CAMSAP2: variants seen among roughly 807,000 people sequenced by gnomAD.
The protein encoded by CAMSAP2 is calmodulin regulated spectrin associated protein family member 2.
A neutral mutation model predicts 146.1 loss-of-function variants in CAMSAP2; 26 were observed. The observed-to-expected ratio is 0.18, with a 90% confidence interval of 0.13 to 0.25. CAMSAP2 has a LOEUF of 0.25. CAMSAP2 is among the 10% of genes least tolerant of loss of function. The probability of loss-of-function intolerance (pLI) is 1.00; values close to 1 mark genes in which losing one functional copy is unlikely to be tolerated. For missense variants in CAMSAP2, 1,381 were observed against 1,759.3 expected (o/e 0.78, Z 3.85); for synonymous variants, 499 against 596.6 (o/e 0.84, Z 2.38).
At chr1:200,745,904 C>G (rs1434845545) in intron 1 of CAMSAP2, among the ~76,000 whole-genome samples, 3 of 152,116 alleles carry the variant, frequency 2.0e-5, no homozygotes, top group Non-Finnish European at 4.4e-5. Context: ...AAAATAGATG[C>G]TAGAGGTCTT....
rs985437791 is a variant in CAMSAP2 at position 200,816,724 on chromosome 1, A to G, written c.645+1080A>G. ...TATATGTGTATATATACACACGCAC[A>G]TATATGTGTGTACACACACACGCGT... On this transcript the variant is annotated intron_variant, in intron 4 of 16. Transcript: ENST00000358823. 5.5e-5 allele frequency among the ~76,000 whole-genome samples: 5 copies of G among 90,132 alleles called. 1 individual carries two copies. Among genetic ancestry groups the G allele is most frequent in the East Asian group, 3.5e-4 (1 of 2,832 alleles). 59.1% of individuals were successfully genotyped at this position (90,132 alleles called of 152,430 possible). A position where few individuals can be genotyped will look rare whatever the true frequency, so the allele number is the denominator to read the frequency against.
chr1:200,850,879 A>G (rs771901775), intron 11 of CAMSAP2, among the ~76,000 whole-genome samples: 14 of 152,350 alleles, frequency 9.2e-5, no homozygotes, highest in Admixed American at 2.0e-4. Context: ...TTTCTAGTCA[A>G]AAATCTTGCC....
At chr1:200,766,863 C>T (rs913464683) in intron 2 of CAMSAP2, among the ~76,000 whole-genome samples, 4 of 152,106 alleles carry the variant, frequency 2.6e-5, no homozygotes, top group African/African-American at 9.7e-5. Flanking sequence ...GGTTTCTTTC[C>T]AAAGTAATTT....
At chr1:200,831,930 C>T (rs1396981305) in intron 4 of CAMSAP2, among the ~76,000 whole-genome samples, 1 of 151,968 alleles carries the variant, frequency 6.6e-6, no homozygotes, top group Non-Finnish European at 1.5e-5. Flanking sequence ...TTTTGTGATG[C>T]TTTTATACTT....
chr1:200,776,638 C>A (rs192792936), intron 2 of CAMSAP2, among the ~76,000 whole-genome samples: 76 of 152,076 alleles, frequency 5.0e-4, no homozygotes, highest in African/African-American at 1.8e-3. Context: ...GCAGGAGAAC[C>A]ACTTGAACCT....
At chr1:200,752,619 CTTT>C (rs770066342) in intron 1 of CAMSAP2, among the ~76,000 whole-genome samples, 6 of 142,630 alleles carry the variant, frequency 4.2e-5, no homozygotes, top group Admixed American at 7.0e-5. Context: ...GTCATGTCTC[CTTT>C]TTTTTTTTTT....
In CAMSAP2 at chr1:200,752,514, T is replaced by C. The variant is rs188796869; in HGVS notation, c.140-8325T>C. ...ATTTAACCTTGACGTGATACTCTTA[T>C]CTGATTCACAGCCCGTATTCAGATT... On this transcript the variant is annotated intron_variant, in intron 1 of 16. Transcript: ENST00000358823. 2.0e-3 allele frequency among the ~76,000 whole-genome samples: 308 copies of C among 152,302 alleles called. 1 individual carries two copies. Among genetic ancestry groups the C allele is most frequent in the African/African-American group, 7.1e-3 (297 of 41,552 alleles).
At chr1:200,837,652 A>G (rs1039913536) in intron 6 of CAMSAP2, among the ~76,000 whole-genome samples, 4 of 152,140 alleles carry the variant, frequency 2.6e-5, no homozygotes, top group Non-Finnish European at 5.9e-5. Flanking sequence ...GAATCTATAC[A>G]TTGATTTGGG....
chr1:200,811,565 G>T (rs1217793944), intron 3 of CAMSAP2, among the ~76,000 whole-genome samples: 1 of 152,172 alleles, frequency 6.6e-6, no homozygotes, highest in East Asian at 1.9e-4. Flanking sequence ...ATTCTTTCTT[G>T]CTTCTACTTG....
intron 4 of CAMSAP2, chr1:200,828,583 A>C (rs1247474612): frequency 6.5e-7 from 1 of 1,550,060 alleles, no homozygotes; most frequent in Admixed American, 2.0e-5. Flanking sequence ...TCTCCTTCCA[A>C]ATGGTTTTGG....
chr1:200,761,204 T>G (rs1664791193), intron 2 of CAMSAP2, 106 bp downstream of exon 2: 1 of 1,128,150 alleles, frequency 8.9e-7, no homozygotes, highest in Non-Finnish European at 1.3e-6. Flanking sequence ...TGGATTGTAT[T>G]TTTGCCTAGA....
chr1:200,822,117 CCTCT>C (rs147240246), intron 4 of CAMSAP2, among the ~76,000 whole-genome samples: 187 of 134,586 alleles, frequency 1.4e-3, no homozygotes, highest in African/African-American at 3.4e-3. Context: ...ATTCTGTCTC[CCTCT>C]CTCTCTCTCT....
intron 2 of CAMSAP2, among the ~76,000 whole-genome samples, chr1:200,785,997 G>A (rs1178300440): frequency 1.3e-5 from 2 of 152,172 alleles, no homozygotes; most frequent in Non-Finnish European, 2.9e-5. Context: ...GCCAATTTTG[G>A]TTATTTTATA....
At chr1:200,841,026 TAATTTTAAGC>T (rs1352267505) in intron 6 of CAMSAP2, among the ~76,000 whole-genome samples, 14 of 152,194 alleles carry the variant, frequency 9.2e-5, no homozygotes, top group Non-Finnish European at 2.1e-4. Context: ...TCCTTTCTCT[TAATTTTAAGC>T]CATTTAAAAA....
intron 1 of CAMSAP2, among the ~76,000 whole-genome samples, chr1:200,742,725 C>T (rs1571705100): frequency 6.6e-6 from 1 of 152,084 alleles, no homozygotes; most frequent in East Asian, 1.9e-4. Flanking sequence ...TTGGTGTTTT[C>T]TATTAGAAAC....
At chr1:200,784,449 T>C (rs1665529568) in intron 2 of CAMSAP2, among the ~76,000 whole-genome samples, 1 of 152,232 alleles carries the variant, frequency 6.6e-6, no homozygotes, top group Non-Finnish European at 1.5e-5. Context: ...CTTTAATTTA[T>C]TTCAGTAGTG....
chr1:200,752,987 T>C (rs1319097729), intron 1 of CAMSAP2, among the ~76,000 whole-genome samples: 1 of 152,018 alleles, frequency 6.6e-6, no homozygotes, highest in Admixed American at 6.5e-5. Flanking sequence ...TTTAATGATA[T>C]TAACACTTCT....
intron 1 of CAMSAP2, among the ~76,000 whole-genome samples, chr1:200,740,357 G>T (rs1277356167): frequency 6.6e-6 from 1 of 151,512 alleles, no homozygotes; most frequent in Non-Finnish European, 1.5e-5. Flanking sequence ...CTTTATTATT[G>T]CAAGAAGGTG....
rs1018682276 is a variant in CAMSAP2, at chr1:200,847,620, T to C, written c.1193-20T>C. On this transcript the variant is annotated intron_variant, in intron 9 of 16. Coordinates refer to ENST00000358823, the MANE Select transcript of CAMSAP2 (RefSeq NM_203459.4). ...TTTTTTTACATGATTTCAATGGCTT[T>C]TTCTTTTTTGCATTTGAAGGAGGAA... is the stretch of plus-strand genomic sequence containing the variant. 1.3e-6 allele frequency: 2 copies of C among 1,598,210 alleles called. No homozygotes were observed. The highest frequency in any genetic ancestry group is 1.7e-6 in the Non-Finnish European group (2 of 1,170,376).
Sources: gnomAD v4.1 joint callset for allele counts (sites outside exome capture counted in the v4.1 genomes callset) on GRCh38, gnomAD v4.1.1 for gene constraint, MANE v1.5 for transcripts, NCBI Gene and HGNC (gene_info 2026-07-23, HGNC 2026-07-21) for gene names.